The following GFM2 variants were observed in gnomAD, a reference collection of about 807,000 sequenced individuals.
GFM2 encodes ribosome-releasing factor 2, mitochondrial.
In GFM2, 72 loss-of-function variants were observed where a neutral mutation model predicts 95.4. The ratio of observed to expected loss-of-function variants is 0.76; its 90% CI spans 0.62 to 0.92. The LOEUF (loss-of-function observed/expected upper bound fraction) is 0.92, where lower values mean the gene tolerates loss of function less well. Among genes scored for constraint, GFM2 ranks in the 40% least tolerant of loss-of-function variants. GFM2 has a pLI of 0.00. For missense variants in GFM2, 825 were observed against 924.1 expected (o/e 0.89, Z 1.39); for synonymous variants, 276 against 317.5 (o/e 0.87, Z 1.39).
intron 5 of GFM2, among the ~76,000 whole-genome samples, chr5:74,753,283 T>C (rs568900490): frequency 7.4e-4 from 112 of 152,024 alleles, no homozygotes; most frequent in African/African-American, 2.6e-3. Context: ...GTCTCAGCAA[T>C]AGAATTAAGT....
intron 19 of GFM2, 33 bp downstream of exon 19, chr5:74,725,607 C>T: frequency 1.4e-6 from 2 of 1,442,390 alleles, no homozygotes; most frequent in Non-Finnish European, 2.0e-6. Flanking sequence ...GAAGAGTCAC[C>T]TTAAAGCCAT....
chr5:74,758,068 T>C (rs534420714), intron 5 of GFM2, among the ~76,000 whole-genome samples: 9 of 152,302 alleles, frequency 5.9e-5, no homozygotes, highest in African/African-American at 1.9e-4. Flanking sequence ...TTAGAAATAG[T>C]TAAGATGGTA....
intron 15 of GFM2, chr5:74,736,266 ATACCACAC>A: frequency 3.7e-6 from 2 of 545,262 alleles, no homozygotes; most frequent in Non-Finnish European, 4.7e-6. Flanking sequence ...TGGGTTTTAC[ATACCACAC>A]TAAAGAGTTT....
At chr5:74,748,943 T>C (rs148077096) in intron 7 of GFM2, among the ~76,000 whole-genome samples, 3,424 of 134,736 alleles carry the variant, frequency 0.025, 136 homozygotes, top group African/African-American at 0.1. Flanking sequence ...AAATAAAAAA[T>C]AAAATAAAAT....
intron 8 of GFM2, 69 bp from the exon 9 acceptor site, chr5:74,746,234 G>A: frequency 5.2e-6 from 4 of 773,932 alleles, no homozygotes; most frequent in South Asian, 8.1e-5. Flanking sequence ...ATCAAGAGAG[G>A]AAAAAAAACT....
At chr5:74,763,845 T>C (rs1017866224) in intron 1 of GFM2, 79 bp from the exon 2 acceptor site, 20 of 773,758 alleles carry the variant, frequency 2.6e-5, no homozygotes, top group Non-Finnish European at 3.8e-5. Flanking sequence ...GTTAGACATA[T>C]GTAATATGTA....
At chr5:74,729,076 T>G (rs1302512356) in intron 17 of GFM2, among the ~76,000 whole-genome samples, 7 of 152,156 alleles carry the variant, frequency 4.6e-5, no homozygotes, top group Non-Finnish European at 7.4e-5. Context: ...AGGCCTGGGT[T>G]GATGATATCT....
At chr5:74,734,618 C>T (rs1742740525) in intron 15 of GFM2, among the ~76,000 whole-genome samples, 1 of 152,082 alleles carries the variant, frequency 6.6e-6, no homozygotes, top group African/African-American at 2.4e-5. Context: ...CATACAGATA[C>T]TCAAACAGAG....
At chr5:74,754,370 A>G (rs1056916331) in intron 5 of GFM2, among the ~76,000 whole-genome samples, 2 of 152,184 alleles carry the variant, frequency 1.3e-5, no homozygotes, top group East Asian at 1.9e-4. Flanking sequence ...ACATCTGAAT[A>G]CTAACATTGA....
rs182739367 is a variant in GFM2, at chr5:74,721,708, T to C, written c.2287A>G (p.Met763Val). Residue 763 changes from methionine to valine, a missense_variant, in exon 21 of 21, where the codon ATG becomes GTG. By Grantham distance (21) the Met-to-Val change is conservative. Transcript: ENST00000296805. ...AGTGTATTTTGATCTTGAGGATTCATGGCTTGATAAGTAGATAGTTCTAAG... is the reference window on the plus strand; with the variant it reads ...AGTGTATTTTGATCTTGAGGATTCACGGCTTGATAAGTAGATAGTTCTAAG... Reference protein sequence around the residue: ...FALELSTYQAMNPQDQNTLLN... With the variant: ...FALELSTYQAVNPQDQNTLLN... The C allele has an allele frequency of 7.1e-5, 115 of 1,613,868 alleles. No homozygotes were observed. The highest frequency in any genetic ancestry group is 1.6e-4 in the Middle Eastern group (1 of 6,062).
chr5:74,735,178 T>C (rs2112249761), intron 15 of GFM2, among the ~76,000 whole-genome samples: 1 of 152,296 alleles, frequency 6.6e-6, no homozygotes, highest in African/African-American at 2.4e-5. Flanking sequence ...AAACTATACT[T>C]AACTGTCCTC....
Position 74,750,625 on chromosome 5 carries a change from A to G in GFM2, c.473T>C (p.Val158Ala). The G allele has an allele frequency of 6.2e-7, 1 of 1,613,296 alleles. No homozygotes were observed. Among genetic ancestry groups the G allele is most frequent in the Non-Finnish European group, 8.5e-7 (1 of 1,179,572 alleles). ...AAATACAGCCACTGCACCATCCAACACTCTTAGGCACCGCTCAACCTCCAA... is the reference window on the plus strand; with the variant it reads ...AAATACAGCCACTGCACCATCCAACGCTCTTAGGCACCGCTCAACCTCCAA... ...FTLEVERCLR[V>A]LDGAVAVFDA... The change falls in exon 7 of 21, where the codon GTG becomes GCG. Residue 158 changes from valine to alanine, a missense_variant. Transcript: ENST00000296805.
At position 74,721,764 on chromosome 5, in the gene GFM2, C is replaced by T. The variant is rs151093565; in HGVS notation, c.2231G>A (p.Arg744Gln). The T allele has an allele frequency of 1.0e-4, 169 of 1,612,682 alleles. No homozygotes were observed. The highest frequency in any genetic ancestry group is 1.4e-4 in the Non-Finnish European group (160 of 1,179,520). Reference protein sequence around the residue: ...AEIMGYSTVLRTLTSGSATFA... With the variant: ...AEIMGYSTVLQTLTSGSATFA... ...AGTAGCTGAGCCTGATGTTAGCGTT[C>T]GAAGCACAGTTGAATAACCCTAATC... The change falls in exon 21 of 21, where the codon CGA becomes CAA. Residue 744 changes from arginine to glutamine, a missense_variant. Physicochemically the swap from Arg to Gln is conservative, Grantham distance 43. Transcript: ENST00000296805.
chr5:74,731,456 G>A (rs1249615318), intron 16 of GFM2, among the ~76,000 whole-genome samples: 1 of 152,296 alleles, frequency 6.6e-6, no homozygotes, highest in African/African-American at 2.4e-5. Context: ...AAAGGCTCGG[G>A]TGAGCTTCCC....
At chr5:74,743,559 T>A (rs562074037) in intron 10 of GFM2, among the ~76,000 whole-genome samples, 2 of 152,340 alleles carry the variant, frequency 1.3e-5, no homozygotes, top group African/African-American at 4.8e-5. Flanking sequence ...TGTCACATAC[T>A]ATCACATCCT....
At chr5:74,757,666 C>T (rs1485621546) in intron 5 of GFM2, among the ~76,000 whole-genome samples, 1 of 141,112 alleles carries the variant, frequency 7.1e-6, no homozygotes, top group East Asian at 2.1e-4. Context: ...GAGTTCAAGG[C>T]TGCAGTGAGC....
intron 5 of GFM2, among the ~76,000 whole-genome samples, chr5:74,752,796 A>G (rs945603513): frequency 6.6e-5 from 10 of 152,220 alleles, no homozygotes; most frequent in Admixed American, 6.5e-4. Flanking sequence ...ATAGCCGTAC[A>G]AAAACACATG....
chr5:74,738,282 G>T, intron 14 of GFM2, 36 bp downstream of exon 14: 1 of 1,482,462 alleles, frequency 6.7e-7, no homozygotes, highest in Non-Finnish European at 9.3e-7. Context: ...AAATATTTAA[G>T]CTGTTATTTC....
chr5:74,721,854 T>TTTTGACTATTAGGGAAAAG, intron 20 of GFM2, 71 bp from the exon 21 acceptor site: 3 of 1,434,580 alleles, frequency 2.1e-6, no homozygotes, highest in Non-Finnish European at 2.9e-6. Flanking sequence ...GCTGATTATC[T>TTTTGACTATTAGGGAAAAG]TTTGACTATT....
Sources: gnomAD v4.1 joint callset for allele counts (sites outside exome capture counted in the v4.1 genomes callset) on GRCh38, gnomAD v4.1.1 for gene constraint, MANE v1.5 for transcripts, NCBI Gene and HGNC (gene_info 2026-07-23, HGNC 2026-07-21) for gene names.